PLOD3: variants seen among roughly 807,000 people sequenced by gnomAD.
PLOD3 encodes the protein procollagen-lysine,2-oxoglutarate 5-dioxygenase 3, also known as multifunctional procollagen lysine hydroxylase and glycosyltransferase LH3.
PLOD3 carries 73 observed loss-of-function variants against 96.9 expected under a neutral mutation model. The observed-to-expected ratio is 0.75, with a 90% CI of 0.62 to 0.92. The LOEUF (loss-of-function observed/expected upper bound fraction) is 0.92, where lower values mean the gene tolerates loss of function less well. Among genes scored for constraint, PLOD3 ranks in the 40% least tolerant of loss-of-function variants. The pLI is 0.00. For missense variants in PLOD3, 1,004 were observed against 1,004.3 expected (o/e 1.00, Z 0.00); for synonymous variants, 454 against 413.7 (o/e 1.10, Z -1.18).
At chr7:101,210,714 C>T (rs1238566408) in intron 12 of PLOD3, 41 bp from the exon 13 acceptor site, 3 of 1,610,958 alleles carry the variant, frequency 1.9e-6, no homozygotes, top group East Asian at 4.5e-5. Context: ...AGGACAGCCC[C>T]CCAAATTCTG....
chr7:101,215,457 C>T (rs769328674), intron 5 of PLOD3, among the ~76,000 whole-genome samples: 57 of 152,326 alleles, frequency 3.7e-4, no homozygotes, highest in Non-Finnish European at 7.5e-4. Context: ...AGGTGATCCA[C>T]CCGCCTCAGC....
intron 5 of PLOD3, 53 bp downstream of exon 5, chr7:101,215,855 G>C: frequency 8.1e-7 from 1 of 1,227,298 alleles, no homozygotes; most frequent in Non-Finnish European, 1.2e-6. Flanking sequence ...TTCAGCCTGA[G>C]GCCTCCACTC....
At chr7:101,215,062 C>T (rs1482393104) in intron 6 of PLOD3, 27 bp downstream of exon 6, 4 of 1,573,912 alleles carry the variant, frequency 2.5e-6, no homozygotes, top group South Asian at 1.1e-5. Flanking sequence ...CTGCGCATCG[C>T]CCACCTGCGG....
At position 101,211,947 on chromosome 7, in the gene PLOD3, G is replaced by A. The variant is rs769885658; in HGVS notation, c.1131C>T (p.Asp377=). 1.9e-6 allele frequency: 3 copies of A among 1,599,990 alleles called. No individual in the cohort carries two copies. The highest frequency in any genetic ancestry group is 2.6e-6 in the Non-Finnish European group (3 of 1,173,344). The change falls in exon 11 of 19, where the codon GAC becomes GAT. Residue 377 remains aspartate, a synonymous_variant. Transcript: ENST00000223127. ...CACACTCGGGGTCCTGCCGACACAGGTCCCTGGAGGTGAGAGGCGAGCTGA... is the reference window on the plus strand; with the variant it reads ...CACACTCGGGGTCCTGCCGACACAGATCCCTGGAGGTGAGAGGCGAGCTGA... The part of the protein sequence containing the change: ...SPGEARDMAM[D]LCRQDPECEF...
intron 4 of PLOD3, 60 bp downstream of exon 4, chr7:101,216,101 GCC>G: frequency 6.2e-7 from 1 of 1,609,972 alleles, no homozygotes; most frequent in East Asian, 2.2e-5. Flanking sequence ...GCCCTCAGGC[GCC>G]TTTAACACTC....
rs1798075327 is a variant in PLOD3 at position 101,206,014 on chromosome 7, T to C, written c.*267A>G. On this transcript the variant is annotated 3_prime_UTR_variant, in exon 19 of 19. Transcript: ENST00000223127. ...AACTGTCCTTTATTCAGAGTGAGAC[T>C]GCGGAACATTAATAATTTATCACGC... 1.8e-6 allele frequency: 1 copy of C among 564,998 alleles called. No homozygotes were observed. The highest frequency in any genetic ancestry group is 2.0e-5 in the South Asian group (1 of 50,234). 35.0% of individuals were successfully genotyped at this position (564,998 alleles called of 1,614,324 possible).
In PLOD3 at chr7:101,206,906, T is replaced by TG; in HGVS notation, c.1936-3dup. ...CACAAAGTTCATCACCGCCCGCGCC[T>TG]GGGGGAGAGGAGGGAAGAGGCTGCA... On this transcript the variant is annotated splice_polypyrimidine_tract_variant and splice_region_variant and intron_variant, in intron 17 of 18. Coordinates refer to ENST00000223127, the MANE Select transcript of PLOD3 (RefSeq NM_001084.5). 1.3e-6 allele frequency: 2 copies of TG among 1,555,770 alleles called. No homozygotes were observed. Among genetic ancestry groups the TG allele is most frequent in the Non-Finnish European group, 1.7e-6 (2 of 1,149,194 alleles).
Position 101,206,843 on chromosome 7 carries a change from G to A in PLOD3, c.1997C>T (p.Pro666Leu). 6.4e-7 allele frequency: 1 copy of A among 1,571,286 alleles called. No individual in the cohort carries two copies. Among genetic ancestry groups the A allele is most frequent in the Non-Finnish European group, 8.6e-7 (1 of 1,157,878 alleles). Residue 666 changes from proline (P) to leucine (L), a missense_variant, in exon 18 of 19, where the codon CCA (proline) becomes CTA (leucine). By Grantham distance (98) the Pro-to-Leu change is moderately conservative. Coordinates refer to ENST00000223127, the MANE Select transcript of PLOD3 (RefSeq NM_001084.5). ...YRPDEQPSLRPHHDSSTFTLN... is the reference protein window; with the variant it reads ...YRPDEQPSLRLHHDSSTFTLN... ...GGTGAAGGTGGATGAGTCGTGGTGT[G>A]GCCGCAGAGACGGCTGCTCGTCTGG...
intron 18 of PLOD3, 64 bp downstream of exon 18, chr7:101,206,715 G>A: frequency 6.5e-7 from 1 of 1,530,616 alleles, no homozygotes; most frequent in Non-Finnish European, 8.9e-7. Context: ...GCACGCAGGG[G>A]CTCTAGGTGG....
intron 6 of PLOD3, 80 bp from the exon 7 acceptor site, chr7:101,213,284 C>A: frequency 3.3e-6 from 3 of 913,530 alleles, no homozygotes; most frequent in Non-Finnish European, 3.6e-6. Context: ...ATATGGGGTC[C>A]CAAATTCTCC....
chr7:101,216,028 G>A lies in PLOD3; in HGVS notation c.503-8C>T, dbSNP rs773815693. ...TGGCAAAACCGATGAATCCTGGCGG[G>A]GAGGGGGAGTGTTGACCTCGAGACT... is the stretch of plus-strand genomic sequence containing the variant. On this transcript the variant is annotated splice_polypyrimidine_tract_variant and splice_region_variant and intron_variant, in intron 4 of 18. Coordinates refer to ENST00000223127, the MANE Select transcript of PLOD3 (RefSeq NM_001084.5). 1.2e-6 allele frequency: 2 copies of A among 1,612,768 alleles called. No homozygotes were observed. The highest frequency in any genetic ancestry group is 1.7e-6 in the Non-Finnish European group (2 of 1,178,800).
At position 101,206,844 on chromosome 7, in the gene PLOD3, G is replaced by C; in HGVS notation, c.1996C>G (p.Pro666Ala). 6.4e-7 allele frequency: 1 copy of C among 1,570,922 alleles called. No individual in the cohort carries two copies. The highest frequency in any genetic ancestry group is 2.3e-5 in the East Asian group (1 of 42,776). ...YRPDEQPSLR[P>A]HHDSSTFTLN... ...GTGAAGGTGGATGAGTCGTGGTGTG[G>C]CCGCAGAGACGGCTGCTCGTCTGGC... is the stretch of plus-strand genomic sequence containing the variant. The change falls in exon 18 of 19, where the codon CCA becomes GCA. Residue 666 changes from proline (P) to alanine (A), a missense_variant. Physicochemically the swap from Pro to Ala is conservative, Grantham distance 27 (BLOSUM62 -1). Transcript: ENST00000223127.
chr7:101,210,389 G>C lies in PLOD3; in HGVS notation c.1556C>G (p.Ser519Cys), dbSNP rs1159485050. Residue 519 changes from serine to cysteine, a missense_variant, in exon 14 of 19, where the codon TCC (serine) becomes TGC (cysteine). Ser to Cys is a moderately radical substitution (Grantham distance 112). This residue lies in a region of PLOD3 where 65 missense variants were observed against 68.8 expected (regional missense o/e 0.94). Transcript: ENST00000223127. ...GTGCAGGTGCTCCGTGTCGTATCTGGAAGTGGCCAGGAGCCGGCCAAATTC... is the reference window on the plus strand; with the variant it reads ...GTGCAGGTGCTCCGTGTCGTATCTGCAAGTGGCCAGGAGCCGGCCAAATTC... ...QHEFGRLLAT[S>C]RYDTEHLHPD... 1.2e-6 allele frequency: 2 copies of C among 1,614,206 alleles called. No homozygotes were observed. The highest frequency in any genetic ancestry group is 1.1e-5 in the South Asian group (1 of 91,082).
In PLOD3 at chr7:101,217,433, T is replaced by C. The variant is rs1798297493; in HGVS notation, c.-159A>G. On this transcript the variant is annotated 5_prime_UTR_variant, in exon 1 of 19. The change creates a new upstream start codon in the 5' untranslated region. Coordinates refer to ENST00000223127, the MANE Select transcript of PLOD3 (RefSeq NM_001084.5). ...GGGGCTACGCCCTGAAAAAAAGGCG[T>C]ATCCGGAGGCTACAGAAAGCTCCAG... is the stretch of plus-strand genomic sequence containing the variant. 1.6e-6 allele frequency: 1 copy of C among 627,960 alleles called. No individual in the cohort carries two copies. Among genetic ancestry groups the C allele is most frequent in the Non-Finnish European group, 2.4e-6 (1 of 412,476 alleles). 38.9% of individuals were successfully genotyped at this position (627,960 alleles called of 1,614,324 possible).
chr7:101,213,276 A>T (rs2116806504), intron 6 of PLOD3, 72 bp from the exon 7 acceptor site: 1 of 982,668 alleles, frequency 1.0e-6, no homozygotes, highest in Non-Finnish European at 1.6e-6. Context: ...TCTTCTAAAT[A>T]TGGGGTCCCA....
rs1425712591 is a variant in PLOD3, at chr7:101,216,197, C to T, written c.468G>A (p.Glu156=). 3 of 1,613,954 alleles carry T rather than the reference C, an allele frequency of 1.9e-6. No homozygotes were observed. Among genetic ancestry groups the T allele is most frequent in the African/African-American group, 2.7e-5 (2 of 74,942 alleles). ...PEWGLAEQYP[E]VGTGKRFLNS... is the part of the protein sequence containing the mutation. ...TGAGGAAGCGCTTCCCCGTGCCCAC[C>T]TCAGGGTACTGCTCCGCCAGCCCCC... Residue 156 remains glutamate, a synonymous_variant, in exon 4 of 19, where the codon GAG becomes GAA. Transcript: ENST00000223127.
At position 101,215,012 on chromosome 7, in the gene PLOD3, C is replaced by T. The variant is rs77576173; in HGVS notation, c.679+77G>A. ...GTGGGCTTGGATCAGCCCAGCTCCT[C>T]CAGAAGCCTCTCCCAGCTCAAGACC... On this transcript the variant is annotated intron_variant, in intron 6 of 18. Coordinates refer to ENST00000223127, the MANE Select transcript of PLOD3 (RefSeq NM_001084.5). The T allele has an allele frequency of 0.091, 102,304 of 1,119,348 alleles. 4,992 individuals carry two copies. The highest frequency in any genetic ancestry group is 0.13 in the Middle Eastern group (667 of 4,984). The allele number at this position is 1,119,348 out of a possible 1,614,324, so 69.3% of individuals were successfully genotyped here. A position where few individuals can be genotyped will look rare whatever the true frequency, so the allele number is the denominator to read the frequency against.
At position 101,213,113 on chromosome 7, in the gene PLOD3, G is replaced by A. The variant is rs565408849; in HGVS notation, c.771C>T (p.Pro257=). ...TLPIVVHGNG[P]TKLQLNYLGN... ...TTGAGACCACTGGTGGCACCTTAGT[G>A]GGACCGTTTCCATGGACCACAATGG... The change falls in exon 7 of 19, where the codon CCC becomes CCT. Residue 257 remains proline, a synonymous_variant. Coordinates refer to ENST00000223127, the MANE Select transcript of PLOD3 (RefSeq NM_001084.5). 3.7e-6 allele frequency: 6 copies of A among 1,609,238 alleles called. No individual in the cohort carries two copies. The Admixed American group carries it at 1.0e-4, about 27-fold the overall frequency.
At position 101,208,899 on chromosome 7, in the gene PLOD3, A is replaced by T; in HGVS notation, c.1742T>A (p.Val581Glu). Residue 581 changes from valine (V) to glutamate (E), a missense_variant, in exon 16 of 19, where the codon GTG becomes GAG. Around this residue, in one of 5 missense-constraint regions of PLOD3, gnomAD observed 4 missense variants for 19.1 expected, o/e 0.21. Coordinates refer to ENST00000223127, the MANE Select transcript of PLOD3 (RefSeq NM_001084.5). ...LLSEQMCDEL[V>E]AEMEHYGQWS... Reference sequence around the variant, plus strand: ...CTGGCCGTAGTGCTCCATCTCTGCCACCAGCTCATCACACATTTGTTCTGA... The same window carrying T: ...CTGGCCGTAGTGCTCCATCTCTGCCTCCAGCTCATCACACATTTGTTCTGA... 1.2e-6 allele frequency: 2 copies of T among 1,614,008 alleles called. No individual in the cohort carries two copies. The highest frequency in any genetic ancestry group is 1.7e-6 in the Non-Finnish European group (2 of 1,179,902).
Sources: gnomAD v4.1 joint callset for allele counts (sites outside exome capture counted in the v4.1 genomes callset) on GRCh38, gnomAD v4.1.1 for gene constraint, gnomAD v4.1.1 regional missense constraint, MANE v1.5 for transcripts, NCBI Gene and HGNC (gene_info 2026-07-23, HGNC 2026-07-21) for gene names.